Variants in MYO9B observed in about 807,000 individuals in gnomAD.
The protein encoded by MYO9B is myosin IXB.
MYO9B carries 71 observed loss-of-function variants against 229.5 expected under a neutral mutation model. That is an observed-to-expected ratio of 0.31 (90% CI 0.26 to 0.38). The LOEUF (loss-of-function observed/expected upper bound fraction) is 0.38. Among genes scored for constraint, MYO9B ranks in the 10% least tolerant of loss-of-function variants. The pLI, the probability that MYO9B is intolerant of heterozygous loss-of-function variation, is 1.00. For synonymous variants in MYO9B, 1,185 were observed against 1,235.8 expected (o/e 0.96, Z 0.86); for missense variants, 2,255 against 2,920.5 (o/e 0.77, Z 5.25).
chr19:17,147,664 T>C (rs2072428102), intron 3 of MYO9B, among the ~76,000 whole-genome samples: 1 of 143,590 alleles, frequency 7.0e-6, no homozygotes, highest in South Asian at 2.2e-4. Context: ...GCCCAGACAC[T>C]ATGTTTAATT....
Position 17,168,050 on chromosome 19 carries a change from G to A in MYO9B, c.1779G>A (p.Leu593=), listed in dbSNP as rs776461897. Residue 593 remains leucine, a synonymous_variant, in exon 11 of 40, where the codon CTG becomes CTA. Transcript: ENST00000682292. ...SKKPTGLFYL[L]DEESNFPHAT... The stretch of plus-strand genomic sequence containing the variant: ...AACCCACGGGCCTCTTCTACCTGCT[G>A]GACGAGGAGAGCAAGTGAGTGTCCA... The A allele has an allele frequency of 1.2e-6, 2 of 1,612,536 alleles. No individual in the cohort carries two copies. The highest frequency in any genetic ancestry group is 1.7e-5 in the Admixed American group (1 of 59,818).
chr19:17,113,422 G>A (rs575705149), intron 2 of MYO9B, among the ~76,000 whole-genome samples: 31 of 152,172 alleles, frequency 2.0e-4, no homozygotes, highest in Non-Finnish European at 4.3e-4. Flanking sequence ...GCAGAATTAG[G>A]GCTCTCAGGA....
chr19:17,211,761 G>A lies in MYO9B; in HGVS notation c.6045G>A (p.Arg2015=), dbSNP rs2073232028. ...GCCTGCTGGAGGAGCGGGCCGGGCG[G>A]GGGGCCTCGGAAGGTCAGTATTAAG... ...TESLLEERAG[R]GASEGPPAPA... Residue 2015 remains arginine (R), a synonymous_variant, in exon 39 of 40, where the codon CGG becomes CGA. Transcript: ENST00000682292. 1.9e-6 allele frequency: 3 copies of A among 1,613,068 alleles called. No homozygotes were observed. The highest frequency in any genetic ancestry group is 4.5e-5 in the East Asian group (2 of 44,838).
intron 1 of MYO9B, among the ~76,000 whole-genome samples, chr19:17,096,237 T>C (rs1441916735): frequency 2.0e-5 from 3 of 152,138 alleles, no homozygotes; most frequent in African/African-American, 7.2e-5. Context: ...GGTTCTCAGT[T>C]TGGGACTCTC....
chr19:17,202,197 C>G lies in MYO9B; in HGVS notation c.4730C>G (p.Ala1577Gly). 6.2e-7 allele frequency: 1 copy of G among 1,613,404 alleles called. No homozygotes were observed. Among genetic ancestry groups the G allele is most frequent in the Non-Finnish European group, 8.5e-7 (1 of 1,179,642 alleles). ...ENYQIVVSNL[A>G]TERGQKDTNL... is the part of the protein sequence containing the mutation. ...TACCAGATCGTCGTCAGCAACCTGG[C>G]CACTGAGCGTGGCCAGAAGGACACC... Residue 1577 changes from alanine (A) to glycine (G), a missense_variant, in exon 28 of 40, where the codon GCC becomes GGC. Transcript: ENST00000682292.
At chr19:17,091,042 A>G (rs1275614572) in intron 1 of MYO9B, among the ~76,000 whole-genome samples, 1 of 152,162 alleles carries the variant, frequency 6.6e-6, no homozygotes, top group African/African-American at 2.4e-5. Context: ...CATTCTCTGA[A>G]GCTCTGATAA....
intron 3 of MYO9B, among the ~76,000 whole-genome samples, chr19:17,147,253 C>T (rs1047293240): frequency 6.6e-6 from 1 of 152,154 alleles, no homozygotes; most frequent in Non-Finnish European, 1.5e-5. Context: ...TTAAAATACA[C>T]AACATAAGGC....
chr19:17,152,985 T>C (rs1337771234), intron 4 of MYO9B, among the ~76,000 whole-genome samples: 2 of 152,086 alleles, frequency 1.3e-5, no homozygotes, highest in Non-Finnish European at 2.9e-5. Context: ...ATACTTAGAT[T>C]GGAAACATTT....
intron 2 of MYO9B, among the ~76,000 whole-genome samples, chr19:17,134,386 T>TG (rs1568267209): frequency 2.4e-5 from 2 of 82,976 alleles, no homozygotes; most frequent in Admixed American, 2.3e-4. Flanking sequence ...TGTTTGTTTT[T>TG]TTTTTTTTTT....
In MYO9B at chr19:17,207,322, T is replaced by G. The variant is rs370084912; in HGVS notation, c.5624+78T>G. ...CCCACGACAGCTCCATCCATCCCTG[T>G]GTAAATAAATGTGTAAGAAAAGTCC... is the stretch of plus-strand genomic sequence containing the variant. On this transcript the variant is annotated intron_variant, in intron 35 of 39. Transcript: ENST00000682292. The G allele has an allele frequency of 5.5e-5, 83 of 1,516,418 alleles. 1 individual carries two copies. In the African/African-American group the frequency reaches 9.5e-4, roughly 17 times the overall value. 93.9% of individuals were successfully genotyped at this position (1,516,418 alleles called of 1,614,324 possible).
chr19:17,187,571 C>CCT (rs1383203572), intron 18 of MYO9B, among the ~76,000 whole-genome samples: 1 of 94,104 alleles, frequency 1.1e-5, no homozygotes, highest in Non-Finnish European at 1.9e-5. Flanking sequence ...TTTTTTCTTT[C>CCT]TTTTTTTTTT....
At chr19:17,191,006 T>G in intron 19 of MYO9B, 91 bp from the exon 20 acceptor site, 1 of 1,361,966 alleles carries the variant, frequency 7.3e-7, no homozygotes. Context: ...CAAACCCAGC[T>G]TCACCTTAAC....
intron 26 of MYO9B, 26 bp from the exon 27 acceptor site, chr19:17,201,900 C>T (rs758559904): frequency 1.3e-6 from 2 of 1,581,290 alleles, no homozygotes; most frequent in African/African-American, 1.3e-5. Flanking sequence ...CTGAGGCACG[C>T]AGGGTCAGTT....
At chr19:17,154,189 A>C (rs1030472324) in intron 5 of MYO9B, 123 bp downstream of exon 5, 10 of 1,328,662 alleles carry the variant, frequency 7.5e-6, no homozygotes, top group African/African-American at 1.5e-5. Context: ...AGAAGGCAGC[A>C]TTAAAAGAAC....
Position 17,200,840 on chromosome 19 carries a change from T to C in MYO9B, c.4563+11T>C. The C allele has an allele frequency of 6.2e-7, 1 of 1,612,188 alleles. No homozygotes were observed. The highest frequency in any genetic ancestry group is 1.1e-5 in the South Asian group (1 of 91,010). On this transcript the variant is annotated intron_variant, in intron 26 of 39. Coordinates refer to ENST00000682292, the MANE Select transcript of MYO9B (RefSeq NM_004145.4). Reference sequence around the variant, plus strand: ...TTCCTGCTCAACAAGGTGGGATCACTAGGCGAGGGCCAGGGGCATGAGGCC... The same window carrying C: ...TTCCTGCTCAACAAGGTGGGATCACCAGGCGAGGGCCAGGGGCATGAGGCC...
At chr19:17,170,288 A>G (rs1470981645) in intron 11 of MYO9B, among the ~76,000 whole-genome samples, 4 of 151,896 alleles carry the variant, frequency 2.6e-5, no homozygotes, top group African/African-American at 9.7e-5. Flanking sequence ...CAAAGACCCT[A>G]TTTTCCAAAT....
In MYO9B at chr19:17,195,327, C is replaced by T. The variant is rs1238341161; in HGVS notation, c.3900C>T (p.Tyr1300=). 1.9e-6 allele frequency: 3 copies of T among 1,612,572 alleles called. No homozygotes were observed. Among genetic ancestry groups the T allele is most frequent in the East Asian group, 2.2e-5 (1 of 44,866 alleles). The change falls in exon 22 of 40, where the codon TAC becomes TAT. Residue 1300 remains tyrosine (Y), a synonymous_variant. Coordinates refer to ENST00000682292, the MANE Select transcript of MYO9B (RefSeq NM_004145.4). The surrounding 1 kb of genome is among the most constrained non-coding windows in gnomAD (Gnocchi z 4.5). ...SPGGSTQIQR[Y]LDAERLASAV... The stretch of plus-strand genomic sequence containing the variant: ...GAGGCTCCACGCAGATCCAGCGGTA[C>T]CTGGACGCCGAGCGGCTGGCCAGCG...
intron 2 of MYO9B, among the ~76,000 whole-genome samples, chr19:17,113,653 C>T (rs2057871140): frequency 6.6e-6 from 1 of 152,066 alleles, no homozygotes; most frequent in African/African-American, 2.4e-5. Context: ...AGCTGGGCAC[C>T]CCGGGCACCA....
rs183095112 is a variant in MYO9B, at chr19:17,137,427, G to A, written c.841-7970G>A. 4.2e-4 allele frequency among the ~76,000 whole-genome samples: 64 copies of A among 152,152 alleles called. No individual in the cohort carries two copies. The East Asian group carries it at 0.012, about 29-fold the overall frequency. ...TCAAACAACAACAACAACAACAAGA[G>A]GTGAGCAAGGCTCATGTGGTGACCC... On this transcript the variant is annotated intron_variant, in intron 2 of 39. Coordinates refer to ENST00000682292, the MANE Select transcript of MYO9B (RefSeq NM_004145.4).
Sources: allele counts gnomAD v4.1 joint callset (sites outside exome capture counted in the v4.1 genomes callset), GRCh38; gene constraint gnomAD v4.1.1; non-coding constraint Gnocchi (gnomAD v3.1); transcripts MANE v1.5; gene names NCBI Gene and HGNC (gene_info 2026-07-23, HGNC 2026-07-21).